ADNP: variants seen among roughly 807,000 people sequenced by gnomAD.
ADNP encodes the protein activity dependent neuroprotector homeobox, also known as activity-dependent neuroprotector homeobox protein.
ADNP carries 4 observed loss-of-function variants against 84.9 expected under a neutral mutation model. The observed-to-expected ratio is 0.05, with a 90% CI of 0.02 to 0.11. The LOEUF (loss-of-function observed/expected upper bound fraction) is 0.11. Among genes scored for constraint, ADNP ranks in the 10% least tolerant of loss-of-function variants. The pLI, the probability that ADNP is intolerant of heterozygous loss-of-function variation, is 1.00. For synonymous variants in ADNP, 554 were observed against 468.1 expected, an observed-to-expected ratio of 1.18 and a Z score of -2.37; for missense variants, 1,132 against 1,326.0, an observed-to-expected ratio of 0.85 and a Z score of 2.27.
chr20:50,897,193 G>A (rs1343876324), intron 5 of ADNP, among the ~76,000 whole-genome samples: 6 of 152,054 alleles, frequency 3.9e-5, no homozygotes, highest in Admixed American at 6.6e-5. Flanking sequence ...CACCAGCCTC[G>A]GCCTCCCAAA....
chr20:50,907,424 A>G (rs1346487699), intron 2 of ADNP, among the ~76,000 whole-genome samples: 2 of 151,242 alleles, frequency 1.3e-5, no homozygotes, highest in Non-Finnish European at 2.9e-5. Context: ...GTACCACCAC[A>G]TCGTGCTAAT....
At position 50,891,107 on chromosome 20, in the gene ADNP, G is replaced by A. The variant is rs531469619; in HGVS notation, c.*298C>T. On this transcript the variant is annotated 3_prime_UTR_variant, in exon 6 of 6. Transcript: ENST00000621696. ...CATCTGACCAATCATTTCACAGAGG[G>A]AAAGAAATGTTGAAAAGGCAGATAA... The A allele has an allele frequency of 1.3e-5, 15 of 1,170,924 alleles. No individual in the cohort carries two copies. The East Asian group carries it at 2.6e-4, about 20-fold the overall frequency. The allele number at this position is 1,170,924 out of a possible 1,614,324, so 72.5% of individuals were successfully genotyped here. A position where few individuals can be genotyped will look rare whatever the true frequency, so the allele number is the denominator to read the frequency against.
chr20:50,910,167 T>C (rs1047765099), intron 2 of ADNP, among the ~76,000 whole-genome samples: 3 of 151,962 alleles, frequency 2.0e-5, no homozygotes, highest in Admixed American at 1.3e-4. Context: ...GAACAGGAGT[T>C]TGAAAGATGA....
chr20:50,919,532 AGAAT>A (rs1983796723), intron 2 of ADNP, among the ~76,000 whole-genome samples: 1 of 151,218 alleles, frequency 6.6e-6, no homozygotes, highest in African/African-American at 2.4e-5. Context: ...AAATTCAGAC[AGAAT>A]GAATGAATCT....
rs373919783 is a variant in ADNP, at chr20:50,893,495, A to T, written c.1219T>A (p.Leu407Ile). 9 of 1,613,770 alleles carry T rather than the reference A, an allele frequency of 5.6e-6. No homozygotes were observed. The South Asian group carries it at 9.9e-5, about 18-fold the overall frequency. ...ANASSLSSGQ[L>I]KSPSLSQSQA... ...GACTGAGAGAGGGAAGGAGACTTTA[A>T]CTGGCCCGATGAGAGAGAAGAGGCA... is the stretch of plus-strand genomic sequence containing the variant. The change falls in exon 6 of 6, where the codon TTA becomes ATA. Residue 407 changes from leucine to isoleucine, a missense_variant. Around this residue, in one of 10 missense-constraint regions of ADNP, gnomAD observed 239 missense variants for 213.2 expected, o/e 1.12. Coordinates refer to ENST00000621696, the MANE Select transcript of ADNP (RefSeq NM_001282531.3). The surrounding 1 kb of genome is among the most constrained non-coding windows in gnomAD (Gnocchi z 4.4).
Position 50,890,867 on chromosome 20 carries a change from A to C in ADNP, c.*538T>G, listed in dbSNP as rs1008456509. Reference sequence around the variant, plus strand: ...GAGCGTTTATTACACAGCAAGGGCAACACTAAAAAAAGAAATCTATGATGG... The same window carrying C: ...GAGCGTTTATTACACAGCAAGGGCACCACTAAAAAAAGAAATCTATGATGG... On this transcript the variant is annotated 3_prime_UTR_variant, in exon 6 of 6. Coordinates refer to ENST00000621696, the MANE Select transcript of ADNP (RefSeq NM_001282531.3). 3.2e-6 allele frequency: 3 copies of C among 951,322 alleles called. No individual in the cohort carries two copies. The highest frequency in any genetic ancestry group is 3.8e-6 in the Non-Finnish European group (3 of 798,652). The allele number at this position is 951,322 out of a possible 1,614,324, so 58.9% of individuals were successfully genotyped here. A position where few individuals can be genotyped will look rare whatever the true frequency, so the allele number is the denominator to read the frequency against.
intron 2 of ADNP, among the ~76,000 whole-genome samples, chr20:50,921,063 T>A (rs186020632): frequency 6.6e-6 from 1 of 152,332 alleles, no homozygotes; most frequent in African/African-American, 2.4e-5. Flanking sequence ...AAGGACACTA[T>A]CTCATTGTTT....
At position 50,927,209 on chromosome 20, in the gene ADNP, A is replaced by T. The variant is rs189601484; in HGVS notation, c.-90+1442T>A. ...CACTCTGGTATAAGGAGAAAAAGATAAACTTAAGCAAAGCAAAGCAAATTC... is the reference window on the plus strand; with the variant it reads ...CACTCTGGTATAAGGAGAAAAAGATTAACTTAAGCAAAGCAAAGCAAATTC... On this transcript the variant is annotated intron_variant, in intron 2 of 5. Transcript: ENST00000621696. 9.2e-5 allele frequency among the ~76,000 whole-genome samples: 14 copies of T among 152,330 alleles called. No individual in the cohort carries two copies. The East Asian group carries it at 2.7e-3, about 29-fold the overall frequency.
intron 1 of ADNP, among the ~76,000 whole-genome samples, chr20:50,930,603 G>C (rs984934841): frequency 6.6e-6 from 1 of 152,248 alleles, no homozygotes; most frequent in East Asian, 1.9e-4. Context: ...GCAGGAGGAG[G>C]CGCCTGGACC....
At position 50,892,344 on chromosome 20, in the gene ADNP, T is replaced by C. The variant is rs200422011; in HGVS notation, c.2370A>G (p.Ala790=). ...CACTCTTCCATAACCATAAACTGGCTGCTAGCTTCTCAATTTCTCTCCTGG... is the reference window on the plus strand; with the variant it reads ...CACTCTTCCATAACCATAAACTGGCCGCTAGCTTCTCAATTTCTCTCCTGG... ...YPTRREIEKL[A]ASLWLWKSDI... is the part of the protein sequence containing the mutation. Residue 790 remains alanine, a synonymous_variant, in exon 6 of 6, where the codon GCA becomes GCG. Transcript: ENST00000621696. 1.2e-6 allele frequency: 2 copies of C among 1,614,214 alleles called. No homozygotes were observed. The highest frequency in any genetic ancestry group is 1.3e-5 in the African/African-American group (1 of 75,056).
At chr20:50,922,426 A>C (rs139782658) in intron 2 of ADNP, among the ~76,000 whole-genome samples, 54 of 152,026 alleles carry the variant, frequency 3.6e-4, no homozygotes, top group African/African-American at 1.2e-3. Flanking sequence ...GCATCTCACA[A>C]AACTTGGGGA....
At chr20:50,925,324 T>C (rs73130494) in intron 2 of ADNP, among the ~76,000 whole-genome samples, 34,001 of 151,010 alleles carry the variant, frequency 0.23, 4,069 homozygotes, top group Non-Finnish European at 0.27. Context: ...TATACCAACT[T>C]GAGAAGCATG....
Position 50,928,729 on chromosome 20 carries a change from AACC to A in ADNP, c.-171_-169del, listed in dbSNP as rs1984448901. 2 of 152,252 alleles carry A rather than the reference AACC, an allele frequency of 1.3e-5. No homozygotes were observed. The highest frequency in any genetic ancestry group is 2.9e-5 in the Non-Finnish European group (2 of 68,062). The allele number at this position is 152,252 out of a possible 1,614,324, so 9.4% of individuals were successfully genotyped here. On this transcript the variant is annotated 5_prime_UTR_variant, in exon 2 of 6. Transcript: ENST00000621696. ...TCCTCAAAATGGTAGTACAGGGCATAACCACTAGGCCACCTATCAGTTCAGTAC... is the reference window on the plus strand; with the variant it reads ...TCCTCAAAATGGTAGTACAGGGCATAACTAGGCCACCTATCAGTTCAGTAC...
rs6091235 is a variant in ADNP, at chr20:50,895,794, A to G, written c.202-1282T>C. ...AGCAATCCTCCCGCTTTGGCTTCCC[A>G]AAGTGCTGGGATTGCAAGCCGCTGT... On this transcript the variant is annotated intron_variant, in intron 5 of 5. Coordinates refer to ENST00000621696, the MANE Select transcript of ADNP (RefSeq NM_001282531.3). 2.1e-3 allele frequency among the ~76,000 whole-genome samples: 326 copies of G among 152,318 alleles called. 2 individuals carry two copies. Among genetic ancestry groups the G allele is most frequent in the African/African-American group, 7.8e-3 (323 of 41,562 alleles).
intron 2 of ADNP, among the ~76,000 whole-genome samples, chr20:50,908,083 AT>A (rs1476300234): frequency 4.0e-5 from 6 of 148,770 alleles, no homozygotes; most frequent in African/African-American, 1.5e-4. Context: ...GATTTTCTCC[AT>A]TTGCAGCTGA....
rs1467478525 is a variant in ADNP, at chr20:50,894,085, G to C, written c.629C>G (p.Pro210Arg). 6.2e-7 allele frequency: 1 copy of C among 1,614,012 alleles called. No homozygotes were observed. Among genetic ancestry groups the C allele is most frequent in the Middle Eastern group, 1.6e-4 (1 of 6,084 alleles). ...CTCTTCTCGGGCATTCGAGCCTAAG[G>C]GGACTGCCCCATTGAGTGATTTTTC... is the stretch of plus-strand genomic sequence containing the variant. ...AGEKSLNGAV[P>R]LGSNAREESS... The change falls in exon 6 of 6, where the codon CCC (proline) becomes CGC (arginine). Residue 210 changes from proline (P) to arginine (R), a missense_variant. Physicochemically the swap from Pro to Arg is moderately radical, Grantham distance 103. Coordinates refer to ENST00000621696, the MANE Select transcript of ADNP (RefSeq NM_001282531.3).
chr20:50,918,044 G>A (rs1301630093), intron 2 of ADNP, among the ~76,000 whole-genome samples: 5 of 152,104 alleles, frequency 3.3e-5, no homozygotes, highest in Non-Finnish European at 7.3e-5. Flanking sequence ...GCCAGGGGCT[G>A]GGTAAAGGAA....
intron 5 of ADNP, among the ~76,000 whole-genome samples, chr20:50,895,564 T>C (rs950984778): frequency 6.6e-6 from 1 of 151,436 alleles, no homozygotes; most frequent in Non-Finnish European, 1.5e-5. Context: ...AAAAAAAATT[T>C]TGAGACAAAG....
intron 2 of ADNP, chr20:50,914,319 A>G: frequency 1.5e-6 from 1 of 682,204 alleles, no homozygotes; most frequent in Non-Finnish European, 2.7e-6. Context: ...ATATTTACAT[A>G]GAGAATAAAG....
Sources: gnomAD v4.1 joint callset for allele counts (sites outside exome capture counted in the v4.1 genomes callset) on GRCh38, gnomAD v4.1.1 for gene constraint, gnomAD v4.1.1 regional missense constraint, Gnocchi (gnomAD v3.1) non-coding constraint, MANE v1.5 for transcripts, NCBI Gene and HGNC (gene_info 2026-07-23, HGNC 2026-07-21) for gene names.